Variants in DCTN4 observed in about 807,000 individuals in gnomAD.
DCTN4 encodes dynactin subunit 4, also known as dynactin 4 (p62).
In DCTN4, 23 loss-of-function variants were observed where a neutral mutation model predicts 62.7. That is an observed-to-expected ratio of 0.37 (90% CI 0.26 to 0.52). The LOEUF (loss-of-function observed/expected upper bound fraction) is 0.52, where lower values mean the gene tolerates loss of function less well. DCTN4 is among the 20% of genes least tolerant of loss of function. The probability of loss-of-function intolerance (pLI) is 0.92; values close to 1 mark genes in which losing one functional copy is unlikely to be tolerated. For missense variants in DCTN4, 514 were observed against 580.4 expected, an observed-to-expected ratio of 0.89 and a Z score of 1.18; for synonymous variants, 199 against 202.1, an observed-to-expected ratio of 0.98 and a Z score of 0.13.
Position 150,710,813 on chromosome 5 carries a change from A to G in DCTN4, c.*336T>C. ...TGTGATCCTTAGTGAGATCAGATCA[A>G]GAGACAGTACAGAGTTTCTCAGGTG... On this transcript the variant is annotated 3_prime_UTR_variant, in exon 13 of 13. Coordinates refer to ENST00000447998, the MANE Select transcript of DCTN4 (RefSeq NM_016221.4). 2 of 315,346 alleles carry G rather than the reference A, an allele frequency of 6.3e-6. No homozygotes were observed. The highest frequency in any genetic ancestry group is 1.2e-5 in the Non-Finnish European group (2 of 163,032). The allele number at this position is 315,346 out of a possible 1,614,324, so 19.5% of individuals were successfully genotyped here.
intron 11 of DCTN4, among the ~76,000 whole-genome samples, chr5:150,717,472 T>C (rs1759807345): frequency 6.6e-6 from 1 of 152,190 alleles, no homozygotes; most frequent in African/African-American, 2.4e-5. Context: ...GGTCTTGAAC[T>C]CCTGACCTTA....
intron 3 of DCTN4, among the ~76,000 whole-genome samples, chr5:150,746,110 A>G (rs1760951858): frequency 6.6e-6 from 1 of 151,494 alleles, no homozygotes. Context: ...TAAAGGGGAT[A>G]TCACCACCGA....
intron 12 of DCTN4, among the ~76,000 whole-genome samples, chr5:150,712,104 C>T (rs1331171762): frequency 6.6e-6 from 1 of 152,100 alleles, no homozygotes; most frequent in Non-Finnish European, 1.5e-5. Flanking sequence ...TTCTATAGAA[C>T]ATAGACTCAT....
chr5:150,755,000 T>G (rs184757742), intron 2 of DCTN4, among the ~76,000 whole-genome samples: 1 of 151,278 alleles, frequency 6.6e-6, no homozygotes, highest in Non-Finnish European at 1.5e-5. Context: ...ACACACAAGA[T>G]GAGTCTGGAG....
At chr5:150,730,541 C>A in intron 8 of DCTN4, 90 bp downstream of exon 8, 1 of 1,130,130 alleles carries the variant, frequency 8.8e-7, no homozygotes, top group South Asian at 1.3e-5. Context: ...TTAATACATT[C>A]CAAAGGTTTT....
chr5:150,754,147 G>A (rs1054037738), intron 2 of DCTN4, among the ~76,000 whole-genome samples: 1 of 152,194 alleles, frequency 6.6e-6, no homozygotes, highest in Non-Finnish European at 1.5e-5. Context: ...CATATTTTCA[G>A]GGCTTTCTGT....
At chr5:150,752,384 AC>A (rs1362970511) in intron 3 of DCTN4, among the ~76,000 whole-genome samples, 1 of 152,210 alleles carries the variant, frequency 6.6e-6, no homozygotes, top group Non-Finnish European at 1.5e-5. Context: ...ATCCAAACAT[AC>A]CAATTTTTCT....
intron 11 of DCTN4, among the ~76,000 whole-genome samples, chr5:150,717,501 G>A (rs1395036486): frequency 6.6e-6 from 1 of 152,150 alleles, no homozygotes; most frequent in African/African-American, 2.4e-5. Flanking sequence ...ACTCACCTTG[G>A]CCTCCCAAAG....
intron 12 of DCTN4, among the ~76,000 whole-genome samples, chr5:150,715,341 G>T (rs994439915): frequency 6.6e-6 from 1 of 152,188 alleles, no homozygotes; most frequent in Non-Finnish European, 1.5e-5. Context: ...GAAATATTTG[G>T]AAGGACAAAT....
At chr5:150,720,107 AAT>A (rs1429959042) in intron 9 of DCTN4, among the ~76,000 whole-genome samples, 1 of 152,256 alleles carries the variant, frequency 6.6e-6, no homozygotes, top group Non-Finnish European at 1.5e-5. Context: ...TGAGGAAAAT[AAT>A]GGTATCTTTC....
chr5:150,751,799 A>C (rs1293721104), intron 3 of DCTN4, among the ~76,000 whole-genome samples: 1 of 152,186 alleles, frequency 6.6e-6, no homozygotes, highest in Non-Finnish European at 1.5e-5. Flanking sequence ...AGTCAGAAAA[A>C]CCATCAACAG....
intron 4 of DCTN4, among the ~76,000 whole-genome samples, chr5:150,740,743 T>A (rs1449117016): frequency 6.6e-6 from 1 of 152,146 alleles, no homozygotes; most frequent in African/African-American, 2.4e-5. Context: ...AATAATAGCA[T>A]TTGCAGCAAC....
At position 150,748,824 on chromosome 5, in the gene DCTN4, T is replaced by A. The variant is rs1023549537; in HGVS notation, c.385+4655A>T. Among the ~76,000 whole-genome samples the A allele has an allele frequency of 9.8e-5, 14 of 143,582 alleles. No homozygotes were observed. In the East Asian group the frequency reaches 2.1e-3, roughly 22 times the overall value. 94.2% of individuals were successfully genotyped at this position (143,582 alleles called of 152,430 possible). ...AGGGGGGAGGGATAGCATTAGGAGA[T>A]ATACCTAATGCTAAATGACGAGTTA... On this transcript the variant is annotated intron_variant, in intron 3 of 12. Coordinates refer to ENST00000447998, the MANE Select transcript of DCTN4 (RefSeq NM_016221.4).
chr5:150,725,884 T>C (rs2113026148), intron 8 of DCTN4, among the ~76,000 whole-genome samples: 1 of 152,274 alleles, frequency 6.6e-6, no homozygotes, highest in East Asian at 1.9e-4. Flanking sequence ...TTATTATATT[T>C]TGTTATTTAA....
chr5:150,716,195 C>A (rs931599127), intron 11 of DCTN4, among the ~76,000 whole-genome samples: 3 of 152,110 alleles, frequency 2.0e-5, no homozygotes. Context: ...TGAGCCACCG[C>A]GCCTAGCCCT....
chr5:150,736,363 A>G (rs972306317), intron 4 of DCTN4: 10 of 152,226 alleles, frequency 6.6e-5, no homozygotes, highest in Non-Finnish European at 1.2e-4. Context: ...TGAGGCAAAA[A>G]CATCAGATAA....
At chr5:150,711,973 C>G (rs1260292272) in intron 12 of DCTN4, among the ~76,000 whole-genome samples, 1 of 152,080 alleles carries the variant, frequency 6.6e-6, no homozygotes, top group Non-Finnish European at 1.5e-5. Flanking sequence ...AATGGTTGCA[C>G]AGTATTCAAT....
At chr5:150,737,423 G>C (rs765353347) in intron 4 of DCTN4, among the ~76,000 whole-genome samples, 2 of 152,148 alleles carry the variant, frequency 1.3e-5, no homozygotes, top group Non-Finnish European at 2.9e-5. Context: ...TACTCGCTCA[G>C]ACAGCAGTGG....
At position 150,758,980 on chromosome 5, in the gene DCTN4, A is replaced by T. The variant is rs1187038675; in HGVS notation, c.14T>A (p.Leu5Gln). ...TAGATAGAGAACCCGGTCCGACTGC[A>T]GCAAGGACGCCATCTTGGGGAGGGA... Reference protein sequence around the residue: MASLLQSDRVLYLVQ... With the variant: MASLQQSDRVLYLVQ... The change falls in exon 1 of 13, where the codon CTG becomes CAG. Residue 5 changes from leucine to glutamine, a missense_variant. Physicochemically the swap from Leu to Gln is moderately radical, Grantham distance 113 (BLOSUM62 -2). Coordinates refer to ENST00000447998, the MANE Select transcript of DCTN4 (RefSeq NM_016221.4). The T allele has an allele frequency of 6.2e-7, 1 of 1,614,038 alleles. No homozygotes were observed. Among genetic ancestry groups the T allele is most frequent in the South Asian group, 1.1e-5 (1 of 91,070 alleles).
Sources: allele counts gnomAD v4.1 joint callset (sites outside exome capture counted in the v4.1 genomes callset), GRCh38; gene constraint gnomAD v4.1.1; transcripts MANE v1.5; gene names NCBI Gene and HGNC (gene_info 2026-07-23, HGNC 2026-07-21).